The following WDR37 variants were observed in gnomAD, a reference collection of about 807,000 sequenced individuals.
WDR37 encodes WD repeat domain 37, also known as WD repeat-containing protein 37.
In WDR37, 19 loss-of-function variants were observed where a neutral mutation model predicts 62.9. The ratio of observed to expected loss-of-function variants is 0.30; its 90% CI spans 0.21 to 0.44. The LOEUF (loss-of-function observed/expected upper bound fraction) is 0.44, where lower values mean the gene tolerates loss of function less well. Ranked by LOEUF, WDR37 falls within the 20% of genes least tolerant of loss-of-function variation. The pLI, the probability that WDR37 is intolerant of heterozygous loss-of-function variation, is 1.00. For missense variants in WDR37, 474 were observed against 657.6 expected (o/e 0.72, Z 3.05); for synonymous variants, 250 against 260.9 (o/e 0.96, Z 0.40).
chr10:1,114,762 G>A (rs748053830), intron 11 of WDR37, among the ~76,000 whole-genome samples: 6 of 152,330 alleles, frequency 3.9e-5, no homozygotes, highest in Admixed American at 3.3e-4. Flanking sequence ...TTTTCTGTTC[G>A]TGTGTTTTTC....
chr10:1,074,194 C>G (rs1035557969), intron 2 of WDR37, among the ~76,000 whole-genome samples: 1 of 152,162 alleles, frequency 6.6e-6, no homozygotes. Context: ...GATAGGTTTT[C>G]CTAATTTGTA....
At position 1,103,426 on chromosome 10, in the gene WDR37, T is replaced by A. The variant is rs529881253; in HGVS notation, c.727-176T>A. 1.1e-4 allele frequency among the ~76,000 whole-genome samples: 16 copies of A among 152,296 alleles called. No individual in the cohort carries two copies. In the South Asian group the frequency reaches 2.3e-3, roughly 22 times the overall value. ...GATGGGTGTTCACGGGCAGCAGTTA[T>A]GGGTCAGAGGAGGACATACTCATCA... On this transcript the variant is annotated intron_variant, in intron 9 of 13. Transcript: ENST00000263150. This position sits in a 1 kb window ranked among gnomAD's most constrained non-coding sequence, Gnocchi z 6.3.
intron 1 of WDR37, among the ~76,000 whole-genome samples, chr10:1,069,389 A>ATATATATTTTTTTTTTTTTTTTTT: frequency 5.2e-5 from 5 of 95,806 alleles, no homozygotes; most frequent in African/African-American, 2.3e-4. Flanking sequence ...ATATATATAT[A>ATATATATTTTTTTTTTTTTTTTTT]TTTTTTTTTT....
chr10:1,084,610 C>T (rs1834140284), intron 6 of WDR37, 72 bp downstream of exon 6: 8 of 1,576,128 alleles, frequency 5.1e-6, no homozygotes, highest in Middle Eastern at 1.7e-4. Context: ...TGGACATTCA[C>T]TTTTCTGTGG....
intron 2 of WDR37, among the ~76,000 whole-genome samples, chr10:1,077,539 G>A (rs946825781): frequency 5.3e-5 from 8 of 152,136 alleles, no homozygotes; most frequent in African/African-American, 7.2e-5. Flanking sequence ...GTAGGATAGC[G>A]TATGATGGCA....
Position 1,129,347 on chromosome 10 carries a change from A to T in WDR37, c.*3A>T. On this transcript the variant is annotated 3_prime_UTR_variant, in exon 14 of 14. Transcript: ENST00000263150. ...CTGCATTGCTACAAGAAAAATAAGGACACCGGCAGCCCTTAGTTTCACTGT... is the reference window on the plus strand; with the variant it reads ...CTGCATTGCTACAAGAAAAATAAGGTCACCGGCAGCCCTTAGTTTCACTGT... The T allele has an allele frequency of 6.2e-7, 1 of 1,613,984 alleles. No individual in the cohort carries two copies.
At chr10:1,086,248 G>T (rs750851239) in intron 6 of WDR37, 38 bp from the exon 7 acceptor site, 2 of 1,566,264 alleles carry the variant, frequency 1.3e-6, no homozygotes, top group South Asian at 1.1e-5. Context: ...ATAAACTGAT[G>T]ATAGCTAAGT....
chr10:1,057,225 T>C, intron 1 of WDR37, among the ~76,000 whole-genome samples: 1 of 145,604 alleles, frequency 6.9e-6, no homozygotes, highest in South Asian at 2.2e-4. Flanking sequence ...GGCGCAGGAG[T>C]AGTCCGTGGC....
chr10:1,088,608 A>G (rs1316016058), intron 7 of WDR37, among the ~76,000 whole-genome samples: 2 of 152,040 alleles, frequency 1.3e-5, no homozygotes, highest in Non-Finnish European at 2.9e-5. Flanking sequence ...CAAAATGACA[A>G]TGGTAGCATC....
Position 1,103,602 on chromosome 10 carries a change from A to G in WDR37, c.727A>G (p.Ile243Val), listed in dbSNP as rs774562393. ...TTTCTGGCCTTCCCTTTGGCAGCAG[A>G]TATCTGGGGAAGATGAAGTAGAGTG... Reference protein sequence around the residue: ...PTPQPVADTSISGEDEVECSD... With the variant: ...PTPQPVADTSVSGEDEVECSD... The change falls in exon 10 of 14, where the codon ATA becomes GTA. Residue 243 changes from isoleucine to valine, a missense_variant and splice_region_variant. Transcript: ENST00000263150. This position sits in a 1 kb window ranked among gnomAD's most constrained non-coding sequence, Gnocchi z 6.3. The G allele has an allele frequency of 2.5e-6, 4 of 1,612,934 alleles. No homozygotes were observed. The highest frequency in any genetic ancestry group is 8.5e-7 in the Non-Finnish European group (1 of 1,179,018).
At chr10:1,127,814 C>T (rs541816892) in intron 13 of WDR37, among the ~76,000 whole-genome samples, 3 of 152,312 alleles carry the variant, frequency 2.0e-5, no homozygotes, top group East Asian at 1.9e-4. Context: ...GGGCTCATGA[C>T]GGCATGGGGC....
Position 1,129,683 on chromosome 10 carries a change from TATTACGTTGCGG to T in WDR37, c.*340_*351del. On this transcript the variant is annotated 3_prime_UTR_variant, in exon 14 of 14. Coordinates refer to ENST00000263150, the MANE Select transcript of WDR37 (RefSeq NM_014023.4). ...TGTGTGAATTAAATGTGAACTTCTG[TATTACGTTGCGG>T]CGTCGGCAGTCCTGCGTTCCCTGGA... is the stretch of plus-strand genomic sequence containing the variant. The T allele has an allele frequency of 5.3e-6, 1 of 189,170 alleles. No individual in the cohort carries two copies. The highest frequency in any genetic ancestry group is 1.1e-4 in the South Asian group (1 of 9,276). 11.7% of individuals were successfully genotyped at this position (189,170 alleles called of 1,614,324 possible). A position where few individuals can be genotyped will look rare whatever the true frequency, so the allele number is the denominator to read the frequency against.
In WDR37 at chr10:1,124,782, C is replaced by T. The variant is rs150471380; in HGVS notation, c.1239-128C>T. On this transcript the variant is annotated intron_variant, in intron 12 of 13. Transcript: ENST00000263150. ...TTGAATACCGTAAGCAGGTGGTACACGCAGTGTGTTCATGTAGTCGGCCTT... is the reference window on the plus strand; with the variant it reads ...TTGAATACCGTAAGCAGGTGGTACATGCAGTGTGTTCATGTAGTCGGCCTT... 4.2e-4 allele frequency: 512 copies of T among 1,224,986 alleles called. 1 individual carries two copies. The African/African-American group carries it at 6.3e-3, about 15-fold the overall frequency. The allele number at this position is 1,224,986 out of a possible 1,614,324, so 75.9% of individuals were successfully genotyped here. A position where few individuals can be genotyped will look rare whatever the true frequency, so the allele number is the denominator to read the frequency against.
In WDR37 at chr10:1,084,402, G is replaced by C. The variant is rs1564501615; in HGVS notation, c.397-1G>C. The stretch of plus-strand genomic sequence containing the variant: ...CACAAGACTCCCCATCTTGGTTTCA[G>C]ATTGTCTCCAGCTTTAAGACCACGA... On this transcript the variant is annotated splice_acceptor_variant, in intron 5 of 13. Transcript: ENST00000263150. LOFTEE classifies it high-confidence loss of function. The C allele has an allele frequency of 6.2e-7, 1 of 1,607,420 alleles. No individual in the cohort carries two copies. Among genetic ancestry groups the C allele is most frequent in the Non-Finnish European group, 8.5e-7 (1 of 1,174,438 alleles).
chr10:1,077,572 T>G (rs2131622161), intron 2 of WDR37, among the ~76,000 whole-genome samples: 1 of 152,296 alleles, frequency 6.6e-6, no homozygotes, highest in South Asian at 2.1e-4. Flanking sequence ...TTATAATAGT[T>G]CATTTATGGG....
At position 1,084,555 on chromosome 10, in the gene WDR37, C is replaced by G. The variant is rs1208344658; in HGVS notation, c.532+17C>G. 6.2e-7 allele frequency: 1 copy of G among 1,607,114 alleles called. No individual in the cohort carries two copies. The highest frequency in any genetic ancestry group is 1.7e-5 in the Admixed American group (1 of 59,764). Reference sequence around the variant, plus strand: ...CATCAGCCGGTGAGTCGCACACGGACCTGGCCAGCCTGCGGAAGCATGGCT... The same window carrying G: ...CATCAGCCGGTGAGTCGCACACGGAGCTGGCCAGCCTGCGGAAGCATGGCT... On this transcript the variant is annotated intron_variant, in intron 6 of 13. Transcript: ENST00000263150.
chr10:1,119,762 CGAG>C (rs1359531265), intron 11 of WDR37, among the ~76,000 whole-genome samples: 2 of 152,196 alleles, frequency 1.3e-5, no homozygotes, highest in African/African-American at 2.4e-5. Flanking sequence ...CACTGTCTGA[CGAG>C]GAGCGGGGCC....
chr10:1,106,348 A>G (rs531708695), intron 11 of WDR37, among the ~76,000 whole-genome samples: 4 of 152,192 alleles, frequency 2.6e-5, no homozygotes, highest in Admixed American at 1.3e-4. Flanking sequence ...ACCTCCCACC[A>G]GTGCTGCTCT....
In WDR37 at chr10:1,130,991, C is replaced by T. The variant is rs1333947510; in HGVS notation, c.*1647C>T. 5 of 152,218 alleles carry T rather than the reference C, an allele frequency of 3.3e-5. No individual in the cohort carries two copies. The highest frequency in any genetic ancestry group is 1.2e-4 in the African/African-American group (5 of 41,448). The allele number at this position is 152,218 out of a possible 1,614,324, so 9.4% of individuals were successfully genotyped here. A position where few individuals can be genotyped will look rare whatever the true frequency, so the allele number is the denominator to read the frequency against. ...GCTAAGGGACAAACAGCAAATATTTCAGTCATTTTGATTTTACAAATAAAA... is the reference window on the plus strand; with the variant it reads ...GCTAAGGGACAAACAGCAAATATTTTAGTCATTTTGATTTTACAAATAAAA... On this transcript the variant is annotated 3_prime_UTR_variant, in exon 14 of 14. Coordinates refer to ENST00000263150, the MANE Select transcript of WDR37 (RefSeq NM_014023.4).
Sources: gnomAD v4.1 joint callset for allele counts (sites outside exome capture counted in the v4.1 genomes callset) on GRCh38, gnomAD v4.1.1 for gene constraint, Gnocchi (gnomAD v3.1) non-coding constraint, MANE v1.5 for transcripts, NCBI Gene and HGNC (gene_info 2026-07-23, HGNC 2026-07-21) for gene names.